The following DYNC1LI2 variants were observed in gnomAD, a reference collection of about 807,000 sequenced individuals.
The protein encoded by DYNC1LI2 is cytoplasmic dynein 1 light intermediate chain 2.
In DYNC1LI2, 19 loss-of-function variants were observed where a neutral mutation model predicts 57.8. The ratio of observed to expected loss-of-function variants is 0.33; its 90% confidence interval spans 0.23 to 0.48. The LOEUF is 0.48. DYNC1LI2 is among the 20% of genes least tolerant of loss of function. The pLI is 0.99. For synonymous variants in DYNC1LI2, 256 were observed against 233.4 expected (o/e 1.10, Z -0.88); for missense variants, 470 against 604.2 (o/e 0.78, Z 2.33).
chr16:66,750,136 T>C (rs913744128), intron 2 of DYNC1LI2, among the ~76,000 whole-genome samples: 1 of 152,222 alleles, frequency 6.6e-6, no homozygotes, highest in Admixed American at 6.5e-5. Context: ...CTGACTTCAG[T>C]ACCTGCTCAT....
Position 66,751,124 on chromosome 16 carries a change from A to G in DYNC1LI2, c.181+149T>C. 1.1e-6 allele frequency: 1 copy of G among 870,572 alleles called. No individual in the cohort carries two copies. The highest frequency in any genetic ancestry group is 1.7e-6 in the Non-Finnish European group (1 of 588,320). 53.9% of individuals were successfully genotyped at this position (870,572 alleles called of 1,614,324 possible). ...ACCCTCAGGCGCTGGAGGCTTGACCACTCTCCAGCTGACCGGCCAGGGCCG... is the reference window on the plus strand; with the variant it reads ...ACCCTCAGGCGCTGGAGGCTTGACCGCTCTCCAGCTGACCGGCCAGGGCCG... On this transcript the variant is annotated intron_variant, in intron 2 of 12. Transcript: ENST00000258198. The surrounding 1 kb of genome is among the most constrained non-coding windows in gnomAD (Gnocchi z 5.2).
chr16:66,748,215 T>C (rs1444391043), intron 3 of DYNC1LI2, among the ~76,000 whole-genome samples: 1 of 143,972 alleles, frequency 6.9e-6, no homozygotes, highest in Non-Finnish European at 1.5e-5. Context: ...GAGGCAGAGG[T>C]TGCAATGAGC....
chr16:66,723,581 G>C lies in DYNC1LI2; in HGVS notation c.*141C>G, dbSNP rs2017485225. 1 of 689,248 alleles carries C rather than the reference G, an allele frequency of 1.5e-6. No homozygotes were observed. The highest frequency in any genetic ancestry group is 2.8e-5 in the East Asian group (1 of 35,820). The allele number at this position is 689,248 out of a possible 1,614,324, so 42.7% of individuals were successfully genotyped here. On this transcript the variant is annotated 3_prime_UTR_variant, in exon 13 of 13. Transcript: ENST00000258198. ...GCATTTCACACTCGGACAAGCCAAT[G>C]AAGTTTTTTTTTTTTTTTTAAAGTT...
intron 4 of DYNC1LI2, chr16:66,738,280 G>C (rs896975395): frequency 2.5e-5 from 3 of 119,320 alleles, no homozygotes; most frequent in Non-Finnish European, 4.8e-5. Flanking sequence ...ATGGAGTTTC[G>C]CTCTGTTGCC....
At chr16:66,749,417 G>A (rs1211080262) in intron 2 of DYNC1LI2, 104 bp from the exon 3 acceptor site, 7 of 1,157,898 alleles carry the variant, frequency 6.0e-6, no homozygotes, top group Non-Finnish European at 8.9e-6. Flanking sequence ...TTCATGCAAA[G>A]TCTGCTGTTG....
At chr16:66,740,254 A>C (rs2017812889) in intron 4 of DYNC1LI2, among the ~76,000 whole-genome samples, 1 of 152,192 alleles carries the variant, frequency 6.6e-6, no homozygotes, top group African/African-American at 2.4e-5. Context: ...GCCATGGAGC[A>C]GCTTTCCAAA....
intron 3 of DYNC1LI2, among the ~76,000 whole-genome samples, chr16:66,745,065 C>T (rs79073696): frequency 2.0e-5 from 3 of 151,856 alleles, no homozygotes; most frequent in African/African-American, 4.8e-5. Context: ...TGCACCACTA[C>T]GCCCAGCTAA....
intron 3 of DYNC1LI2, among the ~76,000 whole-genome samples, chr16:66,746,910 A>G (rs2017945451): frequency 6.6e-6 from 1 of 152,190 alleles, no homozygotes; most frequent in Admixed American, 6.5e-5. Flanking sequence ...CCAAAGCCAC[A>G]GCTCTTTCCA....
chr16:66,741,600 T>TTA (rs1185641106), intron 4 of DYNC1LI2, among the ~76,000 whole-genome samples: 1 of 151,780 alleles, frequency 6.6e-6, no homozygotes, highest in Non-Finnish European at 1.5e-5. Context: ...CGAGAAGCCC[T>TTA]CATTAATTCA....
intron 4 of DYNC1LI2, among the ~76,000 whole-genome samples, chr16:66,740,865 A>G (rs1303992339): frequency 6.6e-6 from 1 of 152,132 alleles, no homozygotes; most frequent in Non-Finnish European, 1.5e-5. Context: ...ACACCTCCAG[A>G]TTTCATTTAC....
Position 66,723,167 on chromosome 16 carries a change from A to G in DYNC1LI2, c.*555T>C. ...TGTTTTGTTTGGAAATGCTTCTAAC[A>G]ATGATTCTTCAACTTCTACTGAATG... On this transcript the variant is annotated 3_prime_UTR_variant, in exon 13 of 13. Transcript: ENST00000258198. 6 of 342,234 alleles carry G rather than the reference A, an allele frequency of 1.8e-5. No individual in the cohort carries two copies. Among genetic ancestry groups the G allele is most frequent in the Non-Finnish European group, 3.5e-5 (6 of 170,422 alleles). 21.2% of individuals were successfully genotyped at this position (342,234 alleles called of 1,614,324 possible). A position where few individuals can be genotyped will look rare whatever the true frequency, so the allele number is the denominator to read the frequency against.
chr16:66,736,119 G>C lies in DYNC1LI2; in HGVS notation c.655C>G (p.Leu219Val), dbSNP rs1244072592. 6.2e-7 allele frequency: 1 copy of C among 1,614,100 alleles called. No homozygotes were observed. The highest frequency in any genetic ancestry group is 1.7e-5 in the Admixed American group (1 of 60,014). The change falls in exon 5 of 13, where the codon CTG (leucine) becomes GTG (valine). Residue 219 changes from leucine (L) to valine (V), a missense_variant. Coordinates refer to ENST00000258198, the MANE Select transcript of DYNC1LI2 (RefSeq NM_006141.3). Reference sequence around the variant, plus strand: ...ACCGGGATCCCCAGGTTATGAGTCAGCACATTGTCACCCAGAGGCAGGGCA... The same window carrying C: ...ACCGGGATCCCCAGGTTATGAGTCACCACATTGTCACCCAGAGGCAGGGCA... ...NVALPLGDNV[L>V]THNLGIPVLV...
intron 11 of DYNC1LI2, among the ~76,000 whole-genome samples, chr16:66,726,542 C>A (rs894341601): frequency 6.6e-6 from 1 of 152,220 alleles, no homozygotes; most frequent in African/African-American, 2.4e-5. Context: ...GCCTGTAATC[C>A]CATCACTTGG....
intron 11 of DYNC1LI2, among the ~76,000 whole-genome samples, chr16:66,726,607 A>G (rs1461917929): frequency 6.6e-6 from 1 of 152,188 alleles, no homozygotes; most frequent in East Asian, 1.9e-4. Flanking sequence ...CAGCCTCGGC[A>G]ACGTAAGTGA....
intron 4 of DYNC1LI2, among the ~76,000 whole-genome samples, chr16:66,741,723 T>C (rs1232040437): frequency 2.6e-5 from 4 of 151,518 alleles, no homozygotes; most frequent in Non-Finnish European, 4.4e-5. Flanking sequence ...CCCATTTCCC[T>C]GGCAAGTGGA....
At chr16:66,749,030 G>C (rs2017991331) in intron 3 of DYNC1LI2, among the ~76,000 whole-genome samples, 167 bp downstream of exon 3, 1 of 152,206 alleles carries the variant, frequency 6.6e-6, no homozygotes, top group Non-Finnish European at 1.5e-5. Flanking sequence ...ACTCTATAAA[G>C]GGGGTTAAGT....
rs761193646 is a variant in DYNC1LI2, at chr16:66,736,348, T to C, written c.530-104A>G. ...AATAATAAGCACAAAACACAGGCAG[T>C]TGTGTGTGACAAACTTCTTAGTCAC... On this transcript the variant is annotated intron_variant, in intron 4 of 12. Coordinates refer to ENST00000258198, the MANE Select transcript of DYNC1LI2 (RefSeq NM_006141.3). The C allele has an allele frequency of 1.1e-4, 144 of 1,363,150 alleles. 3 individuals carry two copies. In the South Asian group the frequency reaches 1.9e-3, roughly 18 times the overall value. 84.4% of individuals were successfully genotyped at this position (1,363,150 alleles called of 1,614,324 possible). A position where few individuals can be genotyped will look rare whatever the true frequency, so the allele number is the denominator to read the frequency against.
chr16:66,743,873 G>C (rs1313039464), intron 3 of DYNC1LI2, among the ~76,000 whole-genome samples: 1 of 152,074 alleles, frequency 6.6e-6, no homozygotes, highest in Non-Finnish European at 1.5e-5. Context: ...TAATTATATT[G>C]GGGAATTAGT....
At chr16:66,730,569 T>C (rs1345817580) in intron 7 of DYNC1LI2, 1 of 176,868 alleles carries the variant, frequency 5.7e-6, no homozygotes, top group African/African-American at 2.4e-5. Context: ...GAGAATAGGA[T>C]GCAGAGAGCA....
Sources: allele counts gnomAD v4.1 joint callset (sites outside exome capture counted in the v4.1 genomes callset), GRCh38; gene constraint gnomAD v4.1.1; non-coding constraint Gnocchi (gnomAD v3.1); transcripts MANE v1.5; gene names NCBI Gene and HGNC (gene_info 2026-07-23, HGNC 2026-07-21).